ASCC1: variants seen among roughly 807,000 people sequenced by gnomAD.
ASCC1 encodes activating signal cointegrator 1 complex subunit 1.
A neutral mutation model predicts 46.6 loss-of-function variants in ASCC1; 35 were observed. The observed-to-expected ratio is 0.75, with a 90% CI of 0.57 to 0.99. The LOEUF (loss-of-function observed/expected upper bound fraction) is 0.99, where lower values mean the gene tolerates loss of function less well. Ranked by LOEUF, ASCC1 falls within the 50% of genes least tolerant of loss-of-function variation. ASCC1 has a pLI of 0.00. For synonymous variants in ASCC1, 143 were observed against 146.6 expected, an observed-to-expected ratio of 0.98 and a Z score of 0.18; for missense variants, 376 against 428.7, an observed-to-expected ratio of 0.88 and a Z score of 1.09.
At chr10:72,110,013 C>G (rs1040558559) in intron 9 of ASCC1, among the ~76,000 whole-genome samples, 2 of 152,208 alleles carry the variant, frequency 1.3e-5, no homozygotes, top group African/African-American at 4.8e-5. Context: ...GGTATTACTG[C>G]TTTACCTGAC....
Position 72,196,805 on chromosome 10 carries a change from A to G in ASCC1, c.489+6T>C. 2 of 1,612,080 alleles carry G rather than the reference A, an allele frequency of 1.2e-6. No homozygotes were observed. The highest frequency in any genetic ancestry group is 1.7e-6 in the Non-Finnish European group (2 of 1,179,646). On this transcript the variant is annotated splice_donor_region_variant and intron_variant, in intron 5 of 9. Coordinates refer to ENST00000672957, the MANE Select transcript of ASCC1 (RefSeq NM_001198800.3). ...TTTTTAACCTTCTTGCTTTGTTTGCACTTACCATGGAGCACTTCGCCAGTA... is the reference window on the plus strand; with the variant it reads ...TTTTTAACCTTCTTGCTTTGTTTGCGCTTACCATGGAGCACTTCGCCAGTA...
At chr10:72,194,102 T>A (rs568126787) in intron 5 of ASCC1, among the ~76,000 whole-genome samples, 1 of 151,910 alleles carries the variant, frequency 6.6e-6, no homozygotes, top group South Asian at 2.1e-4. Context: ...GCCAGGATGG[T>A]CTTCATCTCC....
intron 9 of ASCC1, chr10:72,102,707 G>A: frequency 2.8e-6 from 1 of 362,660 alleles, no homozygotes; most frequent in Admixed American, 3.8e-5. Context: ...GGATGTGGTG[G>A]CTCACACCTG....
At chr10:72,189,269 G>GGGCTAATTA (rs1854006593) in intron 5 of ASCC1, among the ~76,000 whole-genome samples, 1 of 151,660 alleles carries the variant, frequency 6.6e-6, no homozygotes, top group South Asian at 2.1e-4. Flanking sequence ...TTAGCCGGGC[G>GGGCTAATTA]GGGTGGCGGG....
At chr10:72,185,423 G>C (rs1853307249) in intron 5 of ASCC1, among the ~76,000 whole-genome samples, 1 of 152,090 alleles carries the variant, frequency 6.6e-6, no homozygotes, top group Admixed American at 6.5e-5. Context: ...ACATCTATCA[G>C]GGTTGAATGG....
chr10:72,216,490 C>T (rs1437241854), upstream of ASCC1, among the ~76,000 whole-genome samples: 3 of 129,236 alleles, frequency 2.3e-5, no homozygotes, highest in Non-Finnish European at 3.4e-5. Context: ...GCCCCCCCCC[C>T]CCCCCGTTAC....
In ASCC1 at chr10:72,210,849, C is replaced by T. The variant is rs768563985; in HGVS notation, c.113-18G>A. 1 of 1,610,470 alleles carries T rather than the reference C, an allele frequency of 6.2e-7. No homozygotes were observed. The highest frequency in any genetic ancestry group is 1.7e-5 in the Admixed American group (1 of 59,882). On this transcript the variant is annotated intron_variant, in intron 2 of 9. Transcript: ENST00000672957. ...CATGGAGCCTGCACAGAAACCATCA[C>T]ATCTCACTCAGAAACAATGTTGCTC...
intron 9 of ASCC1, among the ~76,000 whole-genome samples, chr10:72,117,614 C>T (rs935673994): frequency 6.6e-6 from 1 of 152,194 alleles, no homozygotes; most frequent in Non-Finnish European, 1.5e-5. Flanking sequence ...AGGACCCTCT[C>T]ATTCTCTAAT....
At chr10:72,104,745 TAAC>T (rs979734782) in intron 9 of ASCC1, among the ~76,000 whole-genome samples, 4 of 152,060 alleles carry the variant, frequency 2.6e-5, no homozygotes, top group Admixed American at 2.0e-4. Flanking sequence ...TAAAGGAACA[TAAC>T]AACGAACAGT....
At chr10:72,110,650 G>A (rs969777743) in intron 9 of ASCC1, among the ~76,000 whole-genome samples, 19 of 152,206 alleles carry the variant, frequency 1.2e-4, no homozygotes, top group African/African-American at 4.1e-4. Flanking sequence ...AGCTGGGCGT[G>A]GTGGCACGTG....
intron 7 of ASCC1, among the ~76,000 whole-genome samples, chr10:72,151,992 AT>A (rs35458668): frequency 0.88 from 103,798 of 118,224 alleles, 45,984 homozygotes; most frequent in Non-Finnish European, 0.97. Flanking sequence ...ACCGGCCAAT[AT>A]TTTTTTTTTT....
At chr10:72,124,621 CT>C (rs1380765118) in intron 9 of ASCC1, among the ~76,000 whole-genome samples, 2 of 152,022 alleles carry the variant, frequency 1.3e-5, no homozygotes, top group East Asian at 3.8e-4. Context: ...CATTTTACTT[CT>C]AGCTAGTGAG....
intron 4 of ASCC1, among the ~76,000 whole-genome samples, chr10:72,199,290 ATTTTTT>A (rs755710978): frequency 9.1e-5 from 11 of 121,186 alleles, no homozygotes; most frequent in African/African-American, 2.8e-4. Flanking sequence ...CACCCAGCTA[ATTTTTT>A]TTTTTTTTTT....
rs558123877 is a variant in ASCC1 at position 72,143,262 on chromosome 10, GTT to G, written c.746+9605_746+9606del. Among the ~76,000 whole-genome samples the G allele has an allele frequency of 2.6e-5, 4 of 151,750 alleles. No homozygotes were observed. In the South Asian group the frequency reaches 8.3e-4, roughly 32 times the overall value. On this transcript the variant is annotated intron_variant, in intron 7 of 9. Transcript: ENST00000672957. ...TAATTTTTGTTGCTACTATAAATGT[GTT>G]TTATTTTAAATGATACTGCTTTCTG...
chr10:72,200,853 T>C (rs1856399377), intron 4 of ASCC1, among the ~76,000 whole-genome samples: 1 of 152,088 alleles, frequency 6.6e-6, no homozygotes, highest in Non-Finnish European at 1.5e-5. Context: ...TTTGTTGACA[T>C]TACCTAGAGA....
intron 7 of ASCC1, among the ~76,000 whole-genome samples, chr10:72,151,362 G>T (rs189204499): frequency 2.6e-5 from 4 of 151,512 alleles, no homozygotes; most frequent in Admixed American, 6.6e-5. Flanking sequence ...ACCAAACACC[G>T]CATGTTCTCA....
intron 9 of ASCC1, among the ~76,000 whole-genome samples, chr10:72,115,341 A>AG (rs76032118): frequency 0.032 from 4,945 of 152,216 alleles, 221 homozygotes; most frequent in East Asian, 0.096. Context: ...AAGTAGGGAG[A>AG]GGGGGGTAGC....
chr10:72,169,804 C>T (rs776425447), intron 5 of ASCC1, among the ~76,000 whole-genome samples: 2 of 152,116 alleles, frequency 1.3e-5, no homozygotes, highest in African/African-American at 4.8e-5. Context: ...CAAATCCACA[C>T]TAGAGGGGGT....
chr10:72,153,036 G>A, intron 6 of ASCC1, 48 bp from the exon 7 acceptor site: 1 of 1,611,822 alleles, frequency 6.2e-7, no homozygotes, highest in South Asian at 1.1e-5. Flanking sequence ...TAAGCTAAGA[G>A]GGCTATTTTA....
Sources: gnomAD v4.1 joint callset for allele counts (sites outside exome capture counted in the v4.1 genomes callset) on GRCh38, gnomAD v4.1.1 for gene constraint, MANE v1.5 for transcripts, NCBI Gene and HGNC (gene_info 2026-07-23, HGNC 2026-07-21) for gene names.